The following LGALS14 variants were observed in gnomAD, a reference collection of about 807,000 sequenced individuals.
LGALS14 encodes the protein galectin 14.
Under a neutral mutation model 14.6 loss-of-function variants are expected in LGALS14, and 14 were observed. The observed-to-expected ratio is 0.96, with a 90% confidence interval of 0.64 to 1.50. The LOEUF (loss-of-function observed/expected upper bound fraction) is 1.50, where lower values mean the gene tolerates loss of function less well. LGALS14 is among the 40% of genes most tolerant of loss of function. The pLI is 0.00. For synonymous variants in LGALS14, 57 were observed against 63.9 expected (o/e 0.89, Z 0.51); for missense variants, 180 against 172.0 (o/e 1.05, Z -0.26).
intron 1 of LGALS14, 31 bp downstream of exon 1, chr19:39,704,574 C>G: frequency 6.2e-7 from 1 of 1,610,846 alleles, no homozygotes; most frequent in Non-Finnish European, 8.5e-7. Context: ...CTTCAATAAT[C>G]TCAAGTCACA....
chr19:39,704,504 A>G lies in LGALS14; in HGVS notation c.-25A>G. On this transcript the variant is annotated 5_prime_UTR_variant, in exon 1 of 4. Coordinates refer to ENST00000392052, the MANE Select transcript of LGALS14 (RefSeq NM_020129.3). ...ACACAGAAGACTGGACACAATTCCG[A>G]AGAGCTGCCCAGAAGGAGAGAACAA... is the stretch of plus-strand genomic sequence containing the variant. The G allele has an allele frequency of 6.2e-7, 1 of 1,613,306 alleles. No homozygotes were observed. Among genetic ancestry groups the G allele is most frequent in the Non-Finnish European group, 8.5e-7 (1 of 1,179,364 alleles).
In LGALS14 at chr19:39,706,095, G is replaced by A. The variant is rs577451269; in HGVS notation, c.16-502G>A. On this transcript the variant is annotated intron_variant, in intron 1 of 3. Transcript: ENST00000392052. ...AACAAGTGTTGTTTCTCACTGGAGTGAATTTTTAAATTCTTTCACCCTCAA... is the reference window on the plus strand; with the variant it reads ...AACAAGTGTTGTTTCTCACTGGAGTAAATTTTTAAATTCTTTCACCCTCAA... 399 of 1,556,080 alleles carry A rather than the reference G, an allele frequency of 2.6e-4. 1 individual carries two copies. In the African/African-American group the frequency reaches 4.0e-3, roughly 16 times the overall value.
intron 1 of LGALS14, chr19:39,705,975 T>C (rs1171933949): frequency 1.2e-6 from 2 of 1,613,814 alleles, no homozygotes; most frequent in African/African-American, 1.3e-5. Context: ...GTGTGCCGCT[T>C]CTGGGAAGGA....
intron 3 of LGALS14, among the ~76,000 whole-genome samples, chr19:39,708,859 G>A (rs920307856): frequency 4.6e-5 from 7 of 152,166 alleles, no homozygotes; most frequent in Non-Finnish European, 1.0e-4. Context: ...CTAACCCTCT[G>A]GCAGGTCCTG....
rs763261682 is a variant in LGALS14, at chr19:39,706,643, T to C, written c.62T>C (p.Ile21Thr). The C allele has an allele frequency of 3.1e-6, 5 of 1,613,876 alleles. No homozygotes were observed. The highest frequency in any genetic ancestry group is 1.7e-6 in the Non-Finnish European group (2 of 1,179,862). The part of the protein sequence containing the change: ...PVSLPVGSCV[I>T]ITGTPILTFV... Reference sequence around the variant, plus strand: ...TCCTTGCCTGTTGGTTCGTGCGTGATAATCACAGGGACACCGATCCTCACT... The same window carrying C: ...TCCTTGCCTGTTGGTTCGTGCGTGACAATCACAGGGACACCGATCCTCACT... The change falls in exon 2 of 4, where the codon ATA becomes ACA. Residue 21 changes from isoleucine (I) to threonine (T), a missense_variant. Physicochemically the swap from Ile to Thr is moderately conservative, Grantham distance 89 (BLOSUM62 -1). Coordinates refer to ENST00000392052, the MANE Select transcript of LGALS14 (RefSeq NM_020129.3).
chr19:39,707,139 G>C (rs749425314), intron 2 of LGALS14, 39 bp from the exon 3 acceptor site: 1 of 1,489,394 alleles, frequency 6.7e-7, no homozygotes, highest in South Asian at 1.1e-5. Flanking sequence ...TCTGCACAAT[G>C]GGGGGACCTG....
At chr19:39,706,071 A>G (rs1439393859) in intron 1 of LGALS14, 11 of 1,600,712 alleles carry the variant, frequency 6.9e-6, no homozygotes, top group Admixed American at 1.7e-5. Flanking sequence ...TTCTCTTTCA[A>G]CAAGTGTTGT....
At chr19:39,706,518 C>T (rs1308697493) in intron 1 of LGALS14, 79 bp from the exon 2 acceptor site, 3 of 1,047,942 alleles carry the variant, frequency 2.9e-6, no homozygotes, top group Non-Finnish European at 4.5e-6. Flanking sequence ...TCTCTAACCT[C>T]CTGCACCATG....
At chr19:39,709,125 G>C in intron 3 of LGALS14, 72 bp from the exon 4 acceptor site, 1 of 896,876 alleles carries the variant, frequency 1.1e-6, no homozygotes, top group Non-Finnish European at 1.9e-6. Flanking sequence ...TTTGTAACTG[G>C]GCAGAGAAGA....
intron 1 of LGALS14, among the ~76,000 whole-genome samples, chr19:39,705,257 A>G (rs1293994295): frequency 1.3e-5 from 2 of 152,268 alleles, no homozygotes; most frequent in East Asian, 1.9e-4. Context: ...AGGAAAAGGA[A>G]CGCAGATTAT....
intron 2 of LGALS14, 27 bp downstream of exon 2, chr19:39,706,700 G>T: frequency 5.3e-6 from 8 of 1,517,266 alleles, no homozygotes; most frequent in Non-Finnish European, 7.3e-6. Flanking sequence ...CCAATGGAGG[G>T]GGTGGAGGAG....
chr19:39,704,629 G>T, intron 1 of LGALS14, 86 bp downstream of exon 1: 1 of 1,311,106 alleles, frequency 7.6e-7, no homozygotes. Context: ...TTGAAAATAT[G>T]AGCATTCCTA....
intron 2 of LGALS14, among the ~76,000 whole-genome samples, 164 bp downstream of exon 2, chr19:39,706,837 G>A (rs567107437): frequency 6.6e-6 from 1 of 152,220 alleles, no homozygotes; most frequent in African/African-American, 2.4e-5. Context: ...CATGAGACCT[G>A]TAGAAACTGC....
At position 39,707,258 on chromosome 19, in the gene LGALS14, T is replaced by G. The variant is rs769110284; in HGVS notation, c.173T>G (p.Phe58Cys). The G allele has an allele frequency of 2.5e-6, 4 of 1,613,990 alleles. No homozygotes were observed. Among genetic ancestry groups the G allele is most frequent in the Non-Finnish European group, 2.5e-6 (3 of 1,179,950 alleles). The part of the protein sequence containing the change: ...SDIAFQFRLH[F>C]GHPAIMNSCV... The stretch of plus-strand genomic sequence containing the variant: ...ATTGCTTTCCAATTCCGACTGCACT[T>G]TGGTCATCCTGCAATCATGAACAGT... Residue 58 changes from phenylalanine (F) to cysteine (C), a missense_variant, in exon 3 of 4, where the codon TTT (phenylalanine) becomes TGT (cysteine). Physicochemically the swap from Phe to Cys is radical, Grantham distance 205 (BLOSUM62 -2). Transcript: ENST00000392052.
At chr19:39,708,572 A>C (rs1254178134) in intron 3 of LGALS14, among the ~76,000 whole-genome samples, 1 of 152,230 alleles carries the variant, frequency 6.6e-6, no homozygotes, top group Non-Finnish European at 1.5e-5. Flanking sequence ...CATAGTTTCC[A>C]TTCTTTTTGG....
At position 39,708,638 on chromosome 19, in the gene LGALS14, A is replaced by G. The variant is rs530709247; in HGVS notation, c.304-559A>G. 1.1e-4 allele frequency among the ~76,000 whole-genome samples: 16 copies of G among 152,290 alleles called. No individual in the cohort carries two copies. In the South Asian group the frequency reaches 3.1e-3, roughly 30 times the overall value. On this transcript the variant is annotated intron_variant, in intron 3 of 3. Coordinates refer to ENST00000392052, the MANE Select transcript of LGALS14 (RefSeq NM_020129.3). Reference sequence around the variant, plus strand: ...CATCTTATTCAGATTCAAGTGAGGGATCTTTTCCTAGGCTTAAAAGTTGTT... The same window carrying G: ...CATCTTATTCAGATTCAAGTGAGGGGTCTTTTCCTAGGCTTAAAAGTTGTT...
At chr19:39,709,126 G>A (rs1973759831) in intron 3 of LGALS14, 71 bp from the exon 4 acceptor site, 1 of 902,458 alleles carries the variant, frequency 1.1e-6, no homozygotes, top group Non-Finnish European at 1.9e-6. Flanking sequence ...TTGTAACTGG[G>A]CAGAGAAGAG....
At position 39,707,198 on chromosome 19, in the gene LGALS14, T is replaced by C. The variant is rs140275289; in HGVS notation, c.113T>C (p.Val38Ala). 135 of 1,613,914 alleles carry C rather than the reference T, an allele frequency of 8.4e-5. No homozygotes were observed. In the African/African-American group the frequency reaches 1.5e-3, roughly 18 times the overall value. Residue 38 changes from valine to alanine, a missense_variant, in exon 3 of 4, where the codon GTG becomes GCG. Physicochemically the swap from Val to Ala is moderately conservative, Grantham distance 64. Transcript: ENST00000392052. ...CTCAGCAAGGACCCACAGCTGGAGG[T>C]GAATTTCTACACTGGGATGGATGAG... ...LTFVKDPQLE[V>A]NFYTGMDEDS...
Position 39,709,290 on chromosome 19 carries a change from A to G in LGALS14, c.397A>G (p.Thr133Ala), listed in dbSNP as rs1470376868. 4 of 1,600,928 alleles carry G rather than the reference A, an allele frequency of 2.5e-6. No homozygotes were observed. The highest frequency in any genetic ancestry group is 1.7e-5 in the Admixed American group (1 of 59,968). The change falls in exon 4 of 4, where the codon ACC becomes GCC. Residue 133 changes from threonine to alanine, a missense_variant. Thr to Ala is a moderately conservative substitution (Grantham distance 58, BLOSUM62 0). Coordinates refer to ENST00000392052, the MANE Select transcript of LGALS14 (RefSeq NM_020129.3). ...MLQVFRDISL[T>A]RVLISD ...GCAAGTCTTCAGAGATATCTCCCTGACCAGAGTGCTTATCAGCGATTGAGG... is the reference window on the plus strand; with the variant it reads ...GCAAGTCTTCAGAGATATCTCCCTGGCCAGAGTGCTTATCAGCGATTGAGG...
Sources: gnomAD v4.1 joint callset for allele counts (sites outside exome capture counted in the v4.1 genomes callset) on GRCh38, gnomAD v4.1.1 for gene constraint, MANE v1.5 for transcripts, NCBI Gene and HGNC (gene_info 2026-07-23, HGNC 2026-07-21) for gene names.